NARS2: variants seen among roughly 807,000 people sequenced by gnomAD.
The protein encoded by NARS2 is asparaginyl-tRNA synthetase 2, mitochondrial.
A neutral mutation model predicts 62.9 loss-of-function variants in NARS2; 60 were observed. The observed-to-expected ratio is 0.95, with a 90% CI of 0.77 to 1.18. The LOEUF (loss-of-function observed/expected upper bound fraction) is 1.18, where lower values mean the gene tolerates loss of function less well. Among genes scored for constraint, NARS2 ranks in the 50% most tolerant of loss-of-function variants. The pLI, the probability that NARS2 is intolerant of heterozygous loss-of-function variation, is 0.00. For missense variants in NARS2, 619 were observed against 576.4 expected (o/e 1.07, Z -0.76); for synonymous variants, 196 against 200.0 (o/e 0.98, Z 0.17).
At chr11:78,486,321 T>A (rs1247827973) in intron 7 of NARS2, among the ~76,000 whole-genome samples, 1 of 151,908 alleles carries the variant, frequency 6.6e-6, no homozygotes, top group African/African-American at 2.4e-5. Flanking sequence ...CCAGACAGTG[T>A]GAAGGAAATT....
At chr11:78,510,188 C>A (rs1860666979) in intron 6 of NARS2, among the ~76,000 whole-genome samples, 1 of 151,980 alleles carries the variant, frequency 6.6e-6, no homozygotes, top group Non-Finnish European at 1.5e-5. Flanking sequence ...CAGAGATTGG[C>A]AGAATGGATT....
At position 78,469,312 on chromosome 11, in the gene NARS2, T is replaced by C. The variant is rs753555379; in HGVS notation, c.961A>G (p.Ile321Val). The change falls in exon 10 of 14, where the codon ATT becomes GTT. Residue 321 changes from isoleucine to valine, a missense_variant and splice_region_variant. Coordinates refer to ENST00000281038, the MANE Select transcript of NARS2 (RefSeq NM_024678.6). ...EHMLKNNFLIISYTEAVEILK... is the reference protein window; with the variant it reads ...EHMLKNNFLIVSYTEAVEILK... ...ATCTCCACTGCTTCAGTATAAGAAA[T>C]GCTGGAGGAAAACAGGATACAAGCA... The C allele has an allele frequency of 1.9e-6, 3 of 1,612,580 alleles. No homozygotes were observed. The South Asian group carries it at 3.3e-5, about 18-fold the overall frequency.
At chr11:78,474,812 T>C (rs1859017246) in intron 9 of NARS2, among the ~76,000 whole-genome samples, 1 of 152,152 alleles carries the variant, frequency 6.6e-6, no homozygotes, top group Non-Finnish European at 1.5e-5. Context: ...AATTGACAAA[T>C]ATTTTATGTA....
intron 7 of NARS2, among the ~76,000 whole-genome samples, chr11:78,491,518 C>G (rs1488253930): frequency 6.6e-6 from 1 of 152,374 alleles, no homozygotes; most frequent in African/African-American, 2.4e-5. Flanking sequence ...CAAGGTTATG[C>G]CCCTTCCAGT....
chr11:78,527,184 T>C (rs928707865), intron 6 of NARS2, among the ~76,000 whole-genome samples: 6 of 152,202 alleles, frequency 3.9e-5, no homozygotes, highest in Non-Finnish European at 8.8e-5. Context: ...CTAGCACTCT[T>C]ATTCCAACTA....
chr11:78,473,185 A>C (rs1357351128), intron 9 of NARS2, among the ~76,000 whole-genome samples: 3 of 152,198 alleles, frequency 2.0e-5, no homozygotes, highest in Non-Finnish European at 4.4e-5. Context: ...AAAAGTCTAA[A>C]GTTCACCAGT....
intron 4 of NARS2, among the ~76,000 whole-genome samples, chr11:78,563,241 CAG>C (rs1240822723): frequency 2.9e-5 from 3 of 104,942 alleles, no homozygotes; most frequent in East Asian, 2.7e-4. Flanking sequence ...TTTTTTGAGA[CAG>C]AGTCTTACTC....
rs753646960 is a variant in NARS2 at position 78,566,216 on chromosome 11, A to G, written c.429T>C (p.Pro143=). 1 of 1,612,636 alleles carries G rather than the reference A, an allele frequency of 6.2e-7. No homozygotes were observed. The highest frequency in any genetic ancestry group is 1.7e-5 in the Admixed American group (1 of 59,900). Residue 143 remains proline (P), a synonymous_variant, in exon 4 of 14, where the codon CCT becomes CCC. Coordinates refer to ENST00000281038, the MANE Select transcript of NARS2 (RefSeq NM_024678.6). ...GAACGTTAGTCCTACACCTAAAGTG[A>G]GGATATTGTCGCAGATACTCCAGAG... is the stretch of plus-strand genomic sequence containing the variant. The part of the protein sequence containing the change: ...RHPLEYLRQY[P]HFRCRTNVLG...
chr11:78,472,446 A>G (rs1591168179), intron 9 of NARS2, among the ~76,000 whole-genome samples: 1 of 152,314 alleles, frequency 6.6e-6, no homozygotes, highest in African/African-American at 2.4e-5. Flanking sequence ...TTCACACACA[A>G]AGATAAATGA....
At chr11:78,466,130 T>C in intron 10 of NARS2, 117 bp from the exon 11 acceptor site, 3 of 1,016,656 alleles carry the variant, frequency 3.0e-6, no homozygotes, top group Non-Finnish European at 4.3e-6. Flanking sequence ...GCTCCATGTG[T>C]GGAGCTAGCT....
intron 4 of NARS2, among the ~76,000 whole-genome samples, chr11:78,560,328 T>C (rs1055101585): frequency 1.3e-5 from 2 of 152,148 alleles, no homozygotes; most frequent in Non-Finnish European, 2.9e-5. Context: ...CAAATGGAGC[T>C]CTTCCGAACA....
chr11:78,541,307 A>G (rs1171656184), intron 5 of NARS2, among the ~76,000 whole-genome samples: 1 of 152,084 alleles, frequency 6.6e-6, no homozygotes, highest in African/African-American at 2.4e-5. Context: ...CTTCTAGTAC[A>G]ATCACCTTTC....
chr11:78,542,442 C>T (rs754314544), intron 5 of NARS2, among the ~76,000 whole-genome samples: 5 of 151,896 alleles, frequency 3.3e-5, no homozygotes, highest in Non-Finnish European at 7.4e-5. Context: ...CTTTTTTTCA[C>T]TATTGCTTGA....
chr11:78,444,858 C>A (rs1172720612), intron 11 of NARS2, among the ~76,000 whole-genome samples: 1 of 151,894 alleles, frequency 6.6e-6, no homozygotes, highest in Non-Finnish European at 1.5e-5. Context: ...ATAACTGATA[C>A]AACTTTTCTG....
chr11:78,544,967 T>C (rs1391197893), intron 5 of NARS2, among the ~76,000 whole-genome samples: 3 of 152,026 alleles, frequency 2.0e-5, no homozygotes, highest in African/African-American at 7.2e-5. Context: ...TCATCACAAA[T>C]AGCAAACTGT....
chr11:78,461,798 AAAAAAT>A (rs1254574176), intron 11 of NARS2, among the ~76,000 whole-genome samples: 1 of 126,850 alleles, frequency 7.9e-6, no homozygotes, highest in Non-Finnish European at 1.7e-5. Context: ...AAAAAAAAAA[AAAAAAT>A]TAGCCGGGTG....
chr11:78,467,221 T>C (rs897371428), intron 10 of NARS2, among the ~76,000 whole-genome samples: 1 of 152,244 alleles, frequency 6.6e-6, no homozygotes, highest in African/African-American at 2.4e-5. Flanking sequence ...ACAGACCATG[T>C]GGTCTCTCTG....
intron 6 of NARS2, among the ~76,000 whole-genome samples, chr11:78,504,591 G>A (rs1350131417): frequency 1.3e-5 from 2 of 152,090 alleles, no homozygotes; most frequent in South Asian, 2.1e-4. Flanking sequence ...GGAAAACCAT[G>A]ACTGAATTTA....
At chr11:78,493,418 A>G (rs1320175699) in intron 6 of NARS2, among the ~76,000 whole-genome samples, 1 of 152,226 alleles carries the variant, frequency 6.6e-6, no homozygotes, top group Non-Finnish European at 1.5e-5. Flanking sequence ...CTGTAATCCT[A>G]GCACTTCCTG....
Sources: allele counts gnomAD v4.1 joint callset (sites outside exome capture counted in the v4.1 genomes callset), GRCh38; gene constraint gnomAD v4.1.1; transcripts MANE v1.5; gene names NCBI Gene and HGNC (gene_info 2026-07-23, HGNC 2026-07-21).